Variants in NEK1 observed in about 807,000 individuals in gnomAD.
NEK1 encodes serine/threonine-protein kinase Nek1.
NEK1 carries 137 observed loss-of-function variants against 182.1 expected under a neutral mutation model. That is an observed-to-expected ratio of 0.75 (90% CI 0.65 to 0.87). NEK1 has a LOEUF of 0.87. Among genes scored for constraint, NEK1 ranks in the 40% least tolerant of loss-of-function variants. The probability of loss-of-function intolerance (pLI) is 0.00; values close to 1 mark genes in which losing one functional copy is unlikely to be tolerated. For missense variants in NEK1, 1,391 were observed against 1,494.4 expected, an observed-to-expected ratio of 0.93 and a Z score of 1.14; for synonymous variants, 513 against 492.2, an observed-to-expected ratio of 1.04 and a Z score of -0.56.
intron 5 of NEK1, among the ~76,000 whole-genome samples, chr4:169,597,873 G>A (rs1256004375): frequency 6.6e-6 from 1 of 152,114 alleles, no homozygotes; most frequent in Non-Finnish European, 1.5e-5. Flanking sequence ...GGCGGAGGTT[G>A]CAGTGAGTCG....
At chr4:169,465,554 T>C (rs1290201595) in intron 26 of NEK1, among the ~76,000 whole-genome samples, 1 of 152,044 alleles carries the variant, frequency 6.6e-6, no homozygotes, top group African/African-American at 2.4e-5. Flanking sequence ...GTACATAATG[T>C]ATAAAGAAAT....
At chr4:169,538,937 T>C (rs1010570185) in intron 18 of NEK1, among the ~76,000 whole-genome samples, 1 of 152,158 alleles carries the variant, frequency 6.6e-6, no homozygotes, top group African/African-American at 2.4e-5. Flanking sequence ...ATTTGAAATA[T>C]GAAACTAAGC....
chr4:169,416,608 G>T (rs1734581778), intron 31 of NEK1, among the ~76,000 whole-genome samples: 3 of 152,200 alleles, frequency 2.0e-5, no homozygotes, highest in African/African-American at 7.2e-5. Context: ...CAAAGATTAA[G>T]ATTAAGCACA....
intron 27 of NEK1, among the ~76,000 whole-genome samples, chr4:169,458,480 C>A (rs1310225506): frequency 1.3e-5 from 2 of 152,096 alleles, no homozygotes; most frequent in Admixed American, 6.6e-5. Flanking sequence ...GTAATCCCAG[C>A]ACTTTGGGAG....
At chr4:169,542,262 G>A (rs1759571096) in intron 18 of NEK1, among the ~76,000 whole-genome samples, 1 of 152,126 alleles carries the variant, frequency 6.6e-6, no homozygotes, top group Non-Finnish European at 1.5e-5. Flanking sequence ...AACATGTGGT[G>A]TTTGGTTGTC....
intron 12 of NEK1, among the ~76,000 whole-genome samples, chr4:169,569,666 A>AT (rs1181332339): frequency 2.0e-5 from 3 of 151,838 alleles, no homozygotes; most frequent in Non-Finnish European, 4.4e-5. Flanking sequence ...TGGTTTTCGT[A>AT]TTTTTTTGGT....
intron 31 of NEK1, among the ~76,000 whole-genome samples, chr4:169,419,438 A>T (rs1197388233): frequency 6.6e-6 from 1 of 152,240 alleles, no homozygotes; most frequent in African/African-American, 2.4e-5. Flanking sequence ...TTCTGCACAA[A>T]GGAACAAAAA....
At chr4:169,602,720 T>C in intron 2 of NEK1, 42 bp from the exon 3 acceptor site, 1 of 689,214 alleles carries the variant, frequency 1.5e-6, no homozygotes, top group Non-Finnish European at 2.6e-6. Flanking sequence ...AGATAAAACA[T>C]TATAACTTCA....
chr4:169,462,966 C>T (rs1233273514), intron 27 of NEK1, among the ~76,000 whole-genome samples: 1 of 152,100 alleles, frequency 6.6e-6, no homozygotes, highest in East Asian at 1.9e-4. Context: ...TCTCCTATAT[C>T]TGTTTTCATG....
rs1362414398 is a variant in NEK1 at position 169,589,057 on chromosome 4, AT to A, written c.465-323del. ...ACTTCCAGTCCAGCAAGCTCCATTCATGGTAAGTGTCCCATAAAGGTATATC... is the reference window on the plus strand; with the variant it reads ...ACTTCCAGTCCAGCAAGCTCCATTCAGGTAAGTGTCCCATAAAGGTATATC... On this transcript the variant is annotated intron_variant, in intron 7 of 35. Coordinates refer to ENST00000507142, the MANE Select transcript of NEK1 (RefSeq NM_001199397.3). Among the ~76,000 whole-genome samples, 10 of 152,320 alleles carry A rather than the reference AT, an allele frequency of 6.6e-5. No individual in the cohort carries two copies. In the South Asian group the frequency reaches 2.1e-3, roughly 32 times the overall value.
At chr4:169,556,406 T>C (rs888139938) in intron 16 of NEK1, among the ~76,000 whole-genome samples, 1 of 152,156 alleles carries the variant, frequency 6.6e-6, no homozygotes, top group Non-Finnish European at 1.5e-5. Flanking sequence ...AAGCTTCCAA[T>C]ATACATTTCA....
chr4:169,411,276 ATCTGAC>A, intron 31 of NEK1, among the ~76,000 whole-genome samples: 1 of 149,724 alleles, frequency 6.7e-6, no homozygotes, highest in South Asian at 2.1e-4. Context: ...TATGATCTTT[ATCTGAC>A]TCTATTTTTT....
intron 18 of NEK1, among the ~76,000 whole-genome samples, chr4:169,545,175 A>C (rs368869075): frequency 1.4e-5 from 2 of 146,268 alleles, no homozygotes; most frequent in African/African-American, 5.1e-5. Context: ...CTAGCCTTAG[A>C]TATATCTCCC....
At chr4:169,554,153 C>T (rs1761812837) in intron 18 of NEK1, 2 of 152,302 alleles carry the variant, frequency 1.3e-5, no homozygotes, top group Admixed American at 6.5e-5. Flanking sequence ...CATGGTGGCT[C>T]ATGCTTGTAA....
At chr4:169,437,033 A>G (rs911190443) in intron 28 of NEK1, among the ~76,000 whole-genome samples, 1 of 152,202 alleles carries the variant, frequency 6.6e-6, no homozygotes, top group African/African-American at 2.4e-5. Flanking sequence ...ACATAGTGCA[A>G]AAGAGAAGAG....
chr4:169,491,162 A>AAAAAAAAAAG (rs1554047307), intron 23 of NEK1, among the ~76,000 whole-genome samples: 1 of 122,834 alleles, frequency 8.1e-6, no homozygotes, highest in African/African-American at 3.2e-5. Context: ...AAAAAAAAAA[A>AAAAAAAAAAG]AGAGAGATGG....
chr4:169,473,405 T>C (rs1186714644), intron 26 of NEK1, among the ~76,000 whole-genome samples: 1 of 152,064 alleles, frequency 6.6e-6, no homozygotes, highest in Non-Finnish European at 1.5e-5. Flanking sequence ...GGGGTACCAA[T>C]ACCAATTACC....
intron 23 of NEK1, among the ~76,000 whole-genome samples, chr4:169,505,752 C>T (rs1209388686): frequency 1.3e-5 from 2 of 151,974 alleles, no homozygotes; most frequent in African/African-American, 4.8e-5. Context: ...GGCTAAAACC[C>T]AGAAAATTAA....
At chr4:169,571,222 A>AT (rs1764799025) in intron 12 of NEK1, among the ~76,000 whole-genome samples, 1 of 150,712 alleles carries the variant, frequency 6.6e-6, no homozygotes, top group African/African-American at 2.4e-5. Flanking sequence ...AAATAAATAA[A>AT]AAGAATAAAA....
Sources: allele counts gnomAD v4.1 joint callset (sites outside exome capture counted in the v4.1 genomes callset), GRCh38; gene constraint gnomAD v4.1.1; transcripts MANE v1.5; gene names NCBI Gene and HGNC (gene_info 2026-07-23, HGNC 2026-07-21).